Variants in NPAS3 observed in about 807,000 individuals in gnomAD.
NPAS3 encodes the protein neuronal PAS domain protein 3, also known as neuronal PAS domain-containing protein 3.
A neutral mutation model predicts 73.1 loss-of-function variants in NPAS3; 14 were observed. The ratio of observed to expected loss-of-function variants is 0.19; its 90% CI spans 0.13 to 0.30. The LOEUF is 0.30. NPAS3 is among the 10% of genes least tolerant of loss of function. The probability of loss-of-function intolerance (pLI) is 1.00; values close to 1 mark genes in which losing one functional copy is unlikely to be tolerated. For synonymous variants in NPAS3, 620 were observed against 541.5 expected (o/e 1.14, Z -2.01); for missense variants, 1,096 against 1,250.0 (o/e 0.88, Z 1.86).
chr14:33,246,265 T>C (rs763894289), intron 3 of NPAS3, among the ~76,000 whole-genome samples: 1 of 151,966 alleles, frequency 6.6e-6, no homozygotes, highest in African/African-American at 2.4e-5. Flanking sequence ...CTCGGCCAGG[T>C]GCGGTGGCTC....
chr14:33,594,681 G>A (rs1448820406), intron 5 of NPAS3, among the ~76,000 whole-genome samples: 2 of 152,154 alleles, frequency 1.3e-5, no homozygotes, highest in African/African-American at 2.4e-5. Context: ...CCACACTGAA[G>A]GTGGGCCTCA....
intron 5 of NPAS3, among the ~76,000 whole-genome samples, chr14:33,603,523 C>T (rs925608208): frequency 6.6e-6 from 1 of 151,994 alleles, no homozygotes; most frequent in African/African-American, 2.4e-5. Context: ...GAAAACCACA[C>T]ATATTATAAT....
chr14:33,551,671 C>T (rs1266019794), intron 4 of NPAS3, among the ~76,000 whole-genome samples: 1 of 152,180 alleles, frequency 6.6e-6, no homozygotes, highest in Non-Finnish European at 1.5e-5. Flanking sequence ...TTCTGGCCAG[C>T]TTGTATGTGG....
chr14:33,682,324 C>T (rs927397518), intron 6 of NPAS3, among the ~76,000 whole-genome samples: 10 of 152,168 alleles, frequency 6.6e-5, no homozygotes, highest in East Asian at 1.9e-4. Context: ...TGCCTGTATG[C>T]GGCAAATCTA....
chr14:33,277,439 A>T (rs1436466392), intron 3 of NPAS3, among the ~76,000 whole-genome samples: 1 of 152,130 alleles, frequency 6.6e-6, no homozygotes, highest in Non-Finnish European at 1.5e-5. Context: ...ACCAAACAAA[A>T]CTCTGCTTTC....
intron 2 of NPAS3, among the ~76,000 whole-genome samples, chr14:33,058,371 A>G (rs2040967045): frequency 6.6e-6 from 1 of 152,164 alleles, no homozygotes; most frequent in African/African-American, 2.4e-5. Flanking sequence ...CAAACCATAA[A>G]TTTCCTGATT....
intron 3 of NPAS3, among the ~76,000 whole-genome samples, chr14:33,312,108 G>C (rs1005069354): frequency 6.6e-6 from 1 of 152,114 alleles, no homozygotes; most frequent in South Asian, 2.1e-4. Context: ...ACATTATAAC[G>C]TGGGTGTCAT....
intron 4 of NPAS3, among the ~76,000 whole-genome samples, chr14:33,370,044 G>A (rs2140430957): frequency 1.3e-5 from 2 of 152,238 alleles, no homozygotes; most frequent in South Asian, 4.1e-4. Context: ...TGTGTGGTCA[G>A]CAAAGTAGTA....
intron 1 of NPAS3, among the ~76,000 whole-genome samples, chr14:32,977,114 C>G (rs918638946): frequency 7.0e-6 from 1 of 143,656 alleles, no homozygotes; most frequent in East Asian, 2.2e-4. Context: ...TTAAAAGATA[C>G]TTTTAGATTG....
intron 2 of NPAS3, among the ~76,000 whole-genome samples, chr14:33,149,862 T>C (rs1226212927): frequency 6.6e-6 from 1 of 152,170 alleles, no homozygotes; most frequent in African/African-American, 2.4e-5. Flanking sequence ...GGTATACACA[T>C]GCCATGGTGG....
intron 2 of NPAS3, among the ~76,000 whole-genome samples, chr14:33,057,153 C>T (rs2040919156): frequency 6.6e-6 from 1 of 152,116 alleles, no homozygotes; most frequent in Non-Finnish European, 1.5e-5. Flanking sequence ...TGGGACTGTT[C>T]CCTACCTAGC....
intron 4 of NPAS3, among the ~76,000 whole-genome samples, chr14:33,495,869 A>G (rs2052156831): frequency 6.6e-6 from 1 of 151,892 alleles, no homozygotes; most frequent in Admixed American, 6.6e-5. Flanking sequence ...CTAGAAGGAG[A>G]CAGAGACCCA....
intron 6 of NPAS3, among the ~76,000 whole-genome samples, chr14:33,710,336 G>C (rs923547396): frequency 3.9e-5 from 6 of 152,138 alleles, no homozygotes; most frequent in African/African-American, 1.4e-4. Flanking sequence ...TTGTGAATGG[G>C]GACAAATAGC....
At chr14:33,588,868 A>AC (rs1253499719) in intron 5 of NPAS3, among the ~76,000 whole-genome samples, 1 of 152,000 alleles carries the variant, frequency 6.6e-6, no homozygotes, top group Admixed American at 6.6e-5. Context: ...CTACCGGCCC[A>AC]CCTCAGCCTC....
chr14:33,206,005 T>A (rs2046808386), intron 2 of NPAS3, among the ~76,000 whole-genome samples: 1 of 152,206 alleles, frequency 6.6e-6, no homozygotes, highest in South Asian at 2.1e-4. Flanking sequence ...ACAGCAAATC[T>A]ATCTACTCCA....
chr14:33,756,045 C>T (rs1165621130), intron 7 of NPAS3, among the ~76,000 whole-genome samples: 3 of 152,130 alleles, frequency 2.0e-5, no homozygotes, highest in Non-Finnish European at 1.5e-5. Context: ...GTCCCACCTC[C>T]AACATTGAGG....
At chr14:33,484,960 C>A (rs1265489408) in intron 4 of NPAS3, among the ~76,000 whole-genome samples, 2 of 152,158 alleles carry the variant, frequency 1.3e-5, no homozygotes, top group Non-Finnish European at 2.9e-5. Flanking sequence ...TCGGGCACTT[C>A]AGTTGCTTTT....
In NPAS3 at chr14:33,308,527, T is replaced by TATACACACACAC; in HGVS notation, c.386-58658_386-58657insTACACACACACA. 5.1e-4 allele frequency among the ~76,000 whole-genome samples: 53 copies of TATACACACACAC among 103,724 alleles called. 2 individuals carry two copies. Among genetic ancestry groups the TATACACACACAC allele is most frequent in the African/African-American group, 1.9e-3 (41 of 21,596 alleles). 68.0% of individuals were successfully genotyped at this position (103,724 alleles called of 152,430 possible). On this transcript the variant is annotated intron_variant, in intron 3 of 11. Coordinates refer to ENST00000356141, the Ensembl canonical transcript of NPAS3. Reference sequence around the variant, plus strand: ...TGCATAGTTTATATATATATATATATACATACACACACACACACACACACA... The same window carrying TATACACACACAC: ...TGCATAGTTTATATATATATATATATATACACACACACACATACACACACACACACACACACA...
chr14:33,199,606 A>C (rs2046534243), intron 2 of NPAS3, among the ~76,000 whole-genome samples: 1 of 152,072 alleles, frequency 6.6e-6, no homozygotes, highest in Admixed American at 6.5e-5. Context: ...TCTGACAGGA[A>C]AAAATTTATG....
Sources: gnomAD v4.1 joint callset for allele counts (sites outside exome capture counted in the v4.1 genomes callset) on GRCh38, gnomAD v4.1.1 for gene constraint, MANE v1.5 for transcripts, NCBI Gene and HGNC (gene_info 2026-07-23, HGNC 2026-07-21) for gene names.